Variants in GLIS3 observed in about 807,000 individuals in gnomAD.
GLIS3 encodes zinc finger protein GLIS3.
Under a neutral mutation model 78.6 loss-of-function variants are expected in GLIS3, and 53 were observed. That is an observed-to-expected ratio of 0.67 (90% CI 0.54 to 0.85). The LOEUF (loss-of-function observed/expected upper bound fraction) is 0.85, where lower values mean the gene tolerates loss of function less well. Among genes scored for constraint, GLIS3 ranks in the 40% least tolerant of loss-of-function variants. GLIS3 has a pLI of 0.00. For synonymous variants in GLIS3, 684 were observed against 509.9 expected (o/e 1.34, Z -4.60); for missense variants, 1,703 against 1,231.1 (o/e 1.38, Z -5.74).
chr9:4,060,398 C>T (rs756451402), intron 4 of GLIS3, among the ~76,000 whole-genome samples: 12 of 152,152 alleles, frequency 7.9e-5, no homozygotes, highest in Non-Finnish European at 1.8e-4. Flanking sequence ...AACTTTACTT[C>T]TTCCCAGCTC....
At chr9:4,477,614 A>G in the GLIS3 span, among the ~76,000 whole-genome samples, 82 of 152,110 alleles carry the variant, frequency 5.4e-4, no homozygotes, top group Middle Eastern at 6.8e-3. Flanking sequence ...AGGTCTCCCT[A>G]TGTTGCCCAA....
the GLIS3 span, among the ~76,000 whole-genome samples, chr9:4,485,063 G>A: frequency 2.6e-5 from 4 of 152,032 alleles, no homozygotes; most frequent in African/African-American, 9.6e-5. Flanking sequence ...CGACCAGGCT[G>A]GAGTGCAGTG....
the GLIS3 span, among the ~76,000 whole-genome samples, chr9:4,364,880 C>A: frequency 6.6e-6 from 1 of 150,892 alleles, no homozygotes; most frequent in African/African-American, 2.4e-5. Flanking sequence ...AACTCCTGGG[C>A]TCAAGCAATC....
chr9:4,238,224 A>G (rs955235117), intron 2 of GLIS3, among the ~76,000 whole-genome samples: 1 of 152,190 alleles, frequency 6.6e-6, no homozygotes, highest in African/African-American at 2.4e-5. Context: ...CAATGTGGCT[A>G]AAAGGAAGGC....
At chr9:4,435,963 C>A in the GLIS3 span, among the ~76,000 whole-genome samples, 1 of 151,924 alleles carries the variant, frequency 6.6e-6, no homozygotes, top group Admixed American at 6.6e-5. Flanking sequence ...CAAAACAAAA[C>A]AAAACAAAAC....
intron 4 of GLIS3, among the ~76,000 whole-genome samples, chr9:4,008,366 G>C (rs147123374): frequency 1.3e-3 from 196 of 152,296 alleles, no homozygotes; most frequent in African/African-American, 4.6e-3. Context: ...ACTGGTCCCA[G>C]AGTGGCCAGT....
chr9:4,433,300 T>C, the GLIS3 span, among the ~76,000 whole-genome samples: 1 of 152,014 alleles, frequency 6.6e-6, no homozygotes, highest in Non-Finnish European at 1.5e-5. Flanking sequence ...GGCATAGTGG[T>C]ACACACCTGT....
At chr9:4,223,297 G>C (rs780929407) in intron 2 of GLIS3, among the ~76,000 whole-genome samples, 1 of 152,132 alleles carries the variant, frequency 6.6e-6, no homozygotes, top group Non-Finnish European at 1.5e-5. Flanking sequence ...GTGTCACTTT[G>C]GACAAGTTAT....
chr9:4,003,724 A>G (rs1473057191), intron 4 of GLIS3, among the ~76,000 whole-genome samples: 4 of 152,232 alleles, frequency 2.6e-5, no homozygotes, highest in South Asian at 4.1e-4. Context: ...AGGGAGCTGG[A>G]GAATCCACAT....
chr9:4,202,945 A>G (rs1277232091), intron 2 of GLIS3, among the ~76,000 whole-genome samples: 2 of 152,246 alleles, frequency 1.3e-5, no homozygotes, highest in African/African-American at 4.8e-5. Flanking sequence ...GTCAAAGGCA[A>G]TTGCAACAAA....
chr9:4,198,836 G>A (rs1214233590), intron 2 of GLIS3, among the ~76,000 whole-genome samples: 1 of 152,086 alleles, frequency 6.6e-6, no homozygotes, highest in Non-Finnish European at 1.5e-5. Flanking sequence ...ACATACAATG[G>A]GAGCCCCATC....
At chr9:4,292,684 T>C (rs1269186410) in intron 1 of GLIS3, among the ~76,000 whole-genome samples, 2 of 152,178 alleles carry the variant, frequency 1.3e-5, no homozygotes, top group African/African-American at 2.4e-5. Context: ...AAGTAATAAC[T>C]GATCAACCAA....
chr9:3,989,873 C>T (rs1370725912), intron 4 of GLIS3, among the ~76,000 whole-genome samples: 1 of 152,212 alleles, frequency 6.6e-6, no homozygotes, highest in Non-Finnish European at 1.5e-5. Context: ...CACACACACA[C>T]ACACACAAAG....
At chr9:4,194,410 T>C (rs1293814724) in intron 2 of GLIS3, among the ~76,000 whole-genome samples, 2 of 152,214 alleles carry the variant, frequency 1.3e-5, no homozygotes, top group African/African-American at 4.8e-5. Context: ...AAAATTAGAA[T>C]GTTGAAACTA....
chr9:3,907,097 C>T (rs528631007), intron 6 of GLIS3, among the ~76,000 whole-genome samples: 1 of 151,980 alleles, frequency 6.6e-6, no homozygotes, highest in Non-Finnish European at 1.5e-5. Flanking sequence ...GTCCACACTG[C>T]GCCTCTCAGG....
the GLIS3 span, among the ~76,000 whole-genome samples, chr9:4,439,539 T>G: frequency 4.3e-4 from 66 of 152,334 alleles, no homozygotes; most frequent in African/African-American, 1.3e-3. Flanking sequence ...CTGTGATTGA[T>G]TATATATCCT....
At chr9:4,089,183 G>A (rs955030978) in intron 4 of GLIS3, among the ~76,000 whole-genome samples, 44 of 152,108 alleles carry the variant, frequency 2.9e-4, no homozygotes, top group Non-Finnish European at 1.9e-4. Flanking sequence ...CTGCAGTGTG[G>A]AAGTTTAAAC....
chr9:4,440,900 T>C, the GLIS3 span, among the ~76,000 whole-genome samples: 1 of 152,192 alleles, frequency 6.6e-6, no homozygotes, highest in African/African-American at 2.4e-5. Flanking sequence ...TATTTCTAGT[T>C]ATTTTTGGTA....
At chr9:4,255,220 G>A (rs1417142851) in intron 2 of GLIS3, among the ~76,000 whole-genome samples, 1 of 152,202 alleles carries the variant, frequency 6.6e-6, no homozygotes, top group Non-Finnish European at 1.5e-5. Context: ...ATCAAATGCT[G>A]ACAAGAATGT....
Sources: allele counts gnomAD v4.1 joint callset (sites outside exome capture counted in the v4.1 genomes callset), GRCh38; gene constraint gnomAD v4.1.1; transcripts MANE v1.5; gene names NCBI Gene and HGNC (gene_info 2026-07-23, HGNC 2026-07-21).